SOX5: variants seen among roughly 807,000 people sequenced by gnomAD.
SOX5 encodes the protein transcription factor SOX-5.
SOX5 carries 9 observed loss-of-function variants against 92.0 expected under a neutral mutation model. The observed-to-expected ratio is 0.10, with a 90% CI of 0.06 to 0.17. The LOEUF is 0.17. Among genes scored for constraint, SOX5 ranks in the 10% least tolerant of loss-of-function variants. The pLI, the probability that SOX5 is intolerant of heterozygous loss-of-function variation, is 1.00. For missense variants in SOX5, 642 were observed against 944.5 expected (o/e 0.68, Z 4.20); for synonymous variants, 344 against 336.3 (o/e 1.02, Z -0.25).
chr12:23,555,814 T>C (rs1945054814), intron 11 of SOX5, among the ~76,000 whole-genome samples: 1 of 152,176 alleles, frequency 6.6e-6, no homozygotes, highest in South Asian at 2.1e-4. Context: ...GTCTGCAGAC[T>C]CGGCATGTAT....
At chr12:23,906,154 T>C (rs2097291268) in intron 1 of SOX5, among the ~76,000 whole-genome samples, 1 of 152,236 alleles carries the variant, frequency 6.6e-6, no homozygotes, top group Non-Finnish European at 1.5e-5. Flanking sequence ...ATTCATGTAT[T>C]GTTATACATT....
chr12:23,821,581 G>T (rs1173328843), intron 3 of SOX5, among the ~76,000 whole-genome samples: 2 of 151,300 alleles, frequency 1.3e-5, no homozygotes, highest in African/African-American at 2.4e-5. Context: ...CTAGTTTATT[G>T]AGTGTTTTAG....
chr12:24,368,951 A>C (rs1340163250), intron 1 of SOX5, among the ~76,000 whole-genome samples: 3 of 152,240 alleles, frequency 2.0e-5, no homozygotes, highest in Non-Finnish European at 2.9e-5. Context: ...TTAGGCCAAC[A>C]GAGGTCCAAA....
At chr12:23,726,183 T>G in intron 6 of SOX5, among the ~76,000 whole-genome samples, 1 of 125,114 alleles carries the variant, frequency 8.0e-6, no homozygotes, top group South Asian at 2.6e-4. Flanking sequence ...GAGGTCAGTT[T>G]CTCACTGTTT....
chr12:23,684,398 A>G (rs2087162403), intron 6 of SOX5, among the ~76,000 whole-genome samples: 2 of 151,996 alleles, frequency 1.3e-5, no homozygotes, highest in Non-Finnish European at 2.9e-5. Flanking sequence ...AATATTCACA[A>G]GATCTATTGT....
At chr12:23,798,908 T>C (rs958250852) in intron 3 of SOX5, among the ~76,000 whole-genome samples, 2 of 151,994 alleles carry the variant, frequency 1.3e-5, no homozygotes, top group Admixed American at 6.6e-5. Flanking sequence ...AACAACCCTA[T>C]TGTATACAAT....
At chr12:23,850,398 C>T (rs767596076) in intron 2 of SOX5, among the ~76,000 whole-genome samples, 6 of 148,392 alleles carry the variant, frequency 4.0e-5, no homozygotes, top group East Asian at 2.0e-4. Context: ...CACTGCACTC[C>T]GGCCTGGTGA....
At chr12:23,851,693 C>G (rs1271137562) in intron 2 of SOX5, among the ~76,000 whole-genome samples, 1 of 151,826 alleles carries the variant, frequency 6.6e-6, no homozygotes, top group Non-Finnish European at 1.5e-5. Context: ...AAGAGAGGTA[C>G]TTTTGTTTGG....
At chr12:24,333,899 T>A (rs1347387772) in intron 2 of SOX5, among the ~76,000 whole-genome samples, 2 of 150,352 alleles carry the variant, frequency 1.3e-5, no homozygotes, top group African/African-American at 4.9e-5. Flanking sequence ...GAATAAGATT[T>A]ATTAAGAAGC....
chr12:24,144,999 G>A (rs116547623), intron 4 of SOX5, among the ~76,000 whole-genome samples: 1,720 of 152,046 alleles, frequency 0.011, 29 homozygotes, highest in African/African-American at 0.04. Context: ...GGTGGAGATG[G>A]GAGAATCACC....
At chr12:23,907,014 C>G (rs1379424526) in intron 1 of SOX5, among the ~76,000 whole-genome samples, 4 of 151,710 alleles carry the variant, frequency 2.6e-5, no homozygotes, top group South Asian at 4.2e-4. Context: ...TAAAAATTAT[C>G]TGCAGAATCC....
intron 4 of SOX5, among the ~76,000 whole-genome samples, chr12:24,146,267 G>A (rs534559917): frequency 1.3e-5 from 2 of 151,948 alleles, no homozygotes; most frequent in Admixed American, 6.6e-5. Context: ...TAAATGATTC[G>A]AATCCTACAT....
chr12:23,634,045 C>A (rs2078901207), intron 8 of SOX5, among the ~76,000 whole-genome samples: 1 of 152,028 alleles, frequency 6.6e-6, no homozygotes, highest in African/African-American at 2.4e-5. Flanking sequence ...ACATCAAGTT[C>A]CCTGGCCATT....
At chr12:24,286,921 C>A (rs1037581574) in intron 2 of SOX5, among the ~76,000 whole-genome samples, 2 of 152,016 alleles carry the variant, frequency 1.3e-5, no homozygotes, top group Non-Finnish European at 2.9e-5. Context: ...TAAATTTATT[C>A]CAGCATACAC....
At chr12:24,258,467 T>C (rs545381357) in intron 3 of SOX5, among the ~76,000 whole-genome samples, 1 of 152,330 alleles carries the variant, frequency 6.6e-6, no homozygotes, top group South Asian at 2.1e-4. Flanking sequence ...CTAAATTCTG[T>C]TAGCCATTTT....
chr12:24,208,153 G>A (rs956145660), intron 4 of SOX5, among the ~76,000 whole-genome samples: 5 of 151,930 alleles, frequency 3.3e-5, no homozygotes, highest in Non-Finnish European at 7.4e-5. Flanking sequence ...TACCACTCAC[G>A]CCTGACTTTC....
intron 1 of SOX5, among the ~76,000 whole-genome samples, chr12:24,552,178 T>G (rs1953257741): frequency 6.6e-6 from 1 of 152,202 alleles, no homozygotes; most frequent in African/African-American, 2.4e-5. Context: ...AAAGGCTCTT[T>G]AAATTTTATT....
intron 3 of SOX5, among the ~76,000 whole-genome samples, chr12:24,263,313 G>C (rs1223027498): frequency 6.6e-6 from 1 of 151,766 alleles, no homozygotes; most frequent in Non-Finnish European, 1.5e-5. Flanking sequence ...GGATCATGAG[G>C]TCAGGAGATC....
intron 1 of SOX5, among the ~76,000 whole-genome samples, chr12:23,923,293 A>AATGAATGAATG (rs1938978644): frequency 2.0e-5 from 3 of 149,026 alleles, no homozygotes; most frequent in Non-Finnish European, 4.5e-5. Flanking sequence ...ACCCAAAAAT[A>AATGAATGAATG]AATGAATGAA....
Sources: allele counts gnomAD v4.1 joint callset (sites outside exome capture counted in the v4.1 genomes callset), GRCh38; gene constraint gnomAD v4.1.1; transcripts MANE v1.5; gene names NCBI Gene and HGNC (gene_info 2026-07-23, HGNC 2026-07-21).